The following MLLT10 variants were observed in gnomAD, a reference collection of about 807,000 sequenced individuals.
MLLT10 encodes the protein protein AF-10.
A neutral mutation model predicts 129.1 loss-of-function variants in MLLT10; 30 were observed. The observed-to-expected ratio is 0.23, with a 90% CI of 0.17 to 0.32. The LOEUF is 0.32. Ranked by LOEUF, MLLT10 falls within the 10% of genes least tolerant of loss-of-function variation. The pLI is 1.00. For synonymous variants in MLLT10, 490 were observed against 446.4 expected (o/e 1.10, Z -1.23); for missense variants, 1,119 against 1,268.3 (o/e 0.88, Z 1.79).
intron 8 of MLLT10, 122 bp from the exon 9 acceptor site, chr10:21,651,551 G>A: frequency 1.6e-6 from 1 of 634,834 alleles, no homozygotes; most frequent in South Asian, 2.2e-5. Context: ...AATGATCAGA[G>A]GAAGTGATTT....
At chr10:21,552,900 C>T (rs879503051) in intron 3 of MLLT10, among the ~76,000 whole-genome samples, 1 of 151,908 alleles carries the variant, frequency 6.6e-6, no homozygotes, top group Non-Finnish European at 1.5e-5. Context: ...CTTTTACTTT[C>T]CCTTGTCTTT....
At chr10:21,568,902 G>A in intron 3 of MLLT10, among the ~76,000 whole-genome samples, 1 of 152,154 alleles carries the variant, frequency 6.6e-6, no homozygotes, top group East Asian at 1.9e-4. Flanking sequence ...CCAAAGTGCT[G>A]GAATTAACAG....
At chr10:21,707,654 A>G (rs1167570911) in intron 13 of MLLT10, among the ~76,000 whole-genome samples, 4 of 152,322 alleles carry the variant, frequency 2.6e-5, no homozygotes, top group Admixed American at 1.3e-4. Flanking sequence ...CCTTTGCTAC[A>G]TAAGAGTCAG....
intron 3 of MLLT10, among the ~76,000 whole-genome samples, chr10:21,565,485 T>A (rs760096041): frequency 1.3e-5 from 2 of 152,114 alleles, no homozygotes; most frequent in African/African-American, 4.8e-5. Context: ...TTTTTTATAT[T>A]TTTAGTAGAG....
intron 5 of MLLT10, among the ~76,000 whole-genome samples, chr10:21,599,894 A>G (rs2043360390): frequency 6.6e-6 from 1 of 152,178 alleles, no homozygotes; most frequent in Non-Finnish European, 1.5e-5. Context: ...TTTAAGACTA[A>G]AATAGTTCAA....
chr10:21,630,264 T>A (rs1447996340), intron 8 of MLLT10, among the ~76,000 whole-genome samples: 4 of 152,230 alleles, frequency 2.6e-5, no homozygotes, highest in Non-Finnish European at 5.9e-5. Flanking sequence ...AGGGAAGGGC[T>A]GGAACATAGA....
At chr10:21,727,806 T>A (rs747978669) in intron 15 of MLLT10, 50 bp from the exon 16 acceptor site, 62 of 1,454,386 alleles carry the variant, frequency 4.3e-5, no homozygotes, top group Non-Finnish European at 5.6e-5. Context: ...GTTTAAAACC[T>A]CTTATCTAGT....
Position 21,711,788 on chromosome 10 carries a change from A to G in MLLT10, c.1700-1984A>G, listed in dbSNP as rs537409540. ...AGAAAAGAAATTAGCTTGAAAAGCAACAACATCTCTTCCAGTAAGTTTTTT... is the reference window on the plus strand; with the variant it reads ...AGAAAAGAAATTAGCTTGAAAAGCAGCAACATCTCTTCCAGTAAGTTTTTT... On this transcript the variant is annotated intron_variant, in intron 13 of 22. Coordinates refer to ENST00000307729, the MANE Select transcript of MLLT10 (RefSeq NM_001195626.3). 2.0e-5 allele frequency among the ~76,000 whole-genome samples: 3 copies of G among 152,284 alleles called. No homozygotes were observed. In the South Asian group the frequency reaches 6.2e-4, roughly 32 times the overall value.
chr10:21,682,212 CCTTA>C lies in MLLT10; in HGVS notation c.1667-8_1667-5del. 2 of 1,603,924 alleles carry C rather than the reference CCTTA, an allele frequency of 1.2e-6. No homozygotes were observed. Among genetic ancestry groups the C allele is most frequent in the South Asian group, 1.1e-5 (1 of 89,140 alleles). On this transcript the variant is annotated splice_polypyrimidine_tract_variant and intron_variant, in intron 12 of 22. Transcript: ENST00000307729. The stretch of plus-strand genomic sequence containing the variant: ...TGATCTTAACCTGAAGTCCTTTTTT[CCTTA>C]CTTAAAAGCGTTCTCAGAGTTGCTG...
At chr10:21,595,503 T>C in intron 5 of MLLT10, 63 bp downstream of exon 5, 1 of 1,337,516 alleles carries the variant, frequency 7.5e-7, no homozygotes. Flanking sequence ...AAGGAAGTTT[T>C]TGTGTTTTTA....
intron 3 of MLLT10, among the ~76,000 whole-genome samples, chr10:21,551,151 T>A (rs573563010): frequency 3.0e-4 from 45 of 151,842 alleles, no homozygotes; most frequent in African/African-American, 1.0e-3. Context: ...GGTCTCGAGC[T>A]CCTGACCTCA....
At chr10:21,632,515 A>G (rs2047094969) in intron 8 of MLLT10, among the ~76,000 whole-genome samples, 1 of 152,186 alleles carries the variant, frequency 6.6e-6, no homozygotes, top group African/African-American at 2.4e-5. Context: ...AGGGACATGA[A>G]GGTTTAATTA....
chr10:21,691,051 T>C (rs752632620), intron 13 of MLLT10, among the ~76,000 whole-genome samples: 22 of 152,198 alleles, frequency 1.4e-4, no homozygotes, highest in Non-Finnish European at 2.6e-4. Flanking sequence ...TTCCTTACGG[T>C]AATCTTCTTG....
chr10:21,592,490 C>T (rs2042603084), intron 4 of MLLT10, among the ~76,000 whole-genome samples: 1 of 150,416 alleles, frequency 6.6e-6, no homozygotes, highest in Non-Finnish European at 1.5e-5. Context: ...GAGTCTCACT[C>T]TGTCGCCCAG....
intron 8 of MLLT10, among the ~76,000 whole-genome samples, chr10:21,646,852 C>CT (rs1564570258): frequency 0.026 from 3,912 of 150,094 alleles, 175 homozygotes; most frequent in African/African-American, 0.09. Flanking sequence ...CTGACTATTC[C>CT]CTTTTTTTTT....
chr10:21,733,749 CTCT>C lies in MLLT10; in HGVS notation c.2497-14_2497-12del. ...ACTTAATGTCCAGTGGACTTAGTTT[CTCT>C]TCTTTCTTACGCTAGGACTTAACCT... On this transcript the variant is annotated splice_polypyrimidine_tract_variant and intron_variant, in intron 19 of 22. Coordinates refer to ENST00000307729, the MANE Select transcript of MLLT10 (RefSeq NM_001195626.3). 6.3e-7 allele frequency: 1 copy of C among 1,586,720 alleles called. No individual in the cohort carries two copies. The highest frequency in any genetic ancestry group is 8.6e-7 in the Non-Finnish European group (1 of 1,167,226).
At chr10:21,646,185 A>G (rs1237335322) in intron 8 of MLLT10, among the ~76,000 whole-genome samples, 1 of 152,152 alleles carries the variant, frequency 6.6e-6, no homozygotes, top group East Asian at 1.9e-4. Context: ...CAGCCTGGCA[A>G]CAGAGTGAGA....
intron 8 of MLLT10, among the ~76,000 whole-genome samples, chr10:21,650,846 G>A (rs2048951497): frequency 6.6e-6 from 1 of 151,694 alleles, no homozygotes; most frequent in African/African-American, 2.4e-5. Context: ...AAATTTTTTT[G>A]TTAGAGATAA....
chr10:21,718,543 C>T (rs2056910833), intron 14 of MLLT10, among the ~76,000 whole-genome samples: 1 of 152,132 alleles, frequency 6.6e-6, no homozygotes, highest in Non-Finnish European at 1.5e-5. Flanking sequence ...TCCGTTACAT[C>T]CTACTTTCTG....
Sources: gnomAD v4.1 joint callset for allele counts (sites outside exome capture counted in the v4.1 genomes callset) on GRCh38, gnomAD v4.1.1 for gene constraint, MANE v1.5 for transcripts, NCBI Gene and HGNC (gene_info 2026-07-23, HGNC 2026-07-21) for gene names.